MAPK10: variants seen among roughly 807,000 people sequenced by gnomAD.
MAPK10 encodes the protein mitogen-activated protein kinase 10.
Under a neutral mutation model 59.3 loss-of-function variants are expected in MAPK10, and 25 were observed. The observed-to-expected ratio is 0.42, with a 90% confidence interval of 0.31 to 0.59. The LOEUF (loss-of-function observed/expected upper bound fraction) is 0.59. MAPK10 is among the 20% of genes least tolerant of loss of function. MAPK10 has a pLI of 0.15. For missense variants in MAPK10, 351 were observed against 568.9 expected, an observed-to-expected ratio of 0.62 and a Z score of 3.90; for synonymous variants, 190 against 200.5, an observed-to-expected ratio of 0.95 and a Z score of 0.44.
At chr4:86,574,740 A>G (rs1578155637) in intron 1 of MAPK10, among the ~76,000 whole-genome samples, 1 of 152,148 alleles carries the variant, frequency 6.6e-6, no homozygotes, top group East Asian at 1.9e-4. Context: ...CTCACTTATT[A>G]ATTTTAGTAG....
At chr4:86,314,957 C>A (rs929582830) in intron 2 of MAPK10, among the ~76,000 whole-genome samples, 4 of 151,958 alleles carry the variant, frequency 2.6e-5, no homozygotes, top group African/African-American at 9.7e-5. Context: ...TTTAACCTAT[C>A]CCTTATTAAT....
Position 86,014,300 on chromosome 4 carries a change from T to TGGGG in MAPK10, c.*2924_*2927dup, listed in dbSNP as rs199953316. The TGGGG allele has an allele frequency of 7.7e-5, 9 of 116,438 alleles. No homozygotes were observed. The highest frequency in any genetic ancestry group is 1.4e-4 in the Non-Finnish European group (8 of 56,014). 7.2% of individuals were successfully genotyped at this position (116,438 alleles called of 1,614,324 possible). A position where few individuals can be genotyped will look rare whatever the true frequency, so the allele number is the denominator to read the frequency against. On this transcript the variant is annotated 3_prime_UTR_variant, in exon 14 of 14. Transcript: ENST00000641462. ...AACAGGTGACTATTTAAGAAATATT[T>TGGGG]GGGGTGTGTGTGTGTGTGTGTGTGT...
At chr4:86,438,645 G>C (rs190123500) in intron 1 of MAPK10, among the ~76,000 whole-genome samples, 1 of 150,250 alleles carries the variant, frequency 6.7e-6, no homozygotes, top group African/African-American at 2.5e-5. Flanking sequence ...AGCTGAGATC[G>C]TGTCTTTGCA....
intron 11 of MAPK10, among the ~76,000 whole-genome samples, chr4:86,040,131 A>T (rs2148937213): frequency 6.6e-6 from 1 of 152,328 alleles, no homozygotes; most frequent in East Asian, 1.9e-4. Context: ...GACATAAACC[A>T]CCAAAAAAAT....
intron 2 of MAPK10, among the ~76,000 whole-genome samples, chr4:86,257,215 T>G (rs1291792253): frequency 6.6e-6 from 1 of 152,210 alleles, no homozygotes; most frequent in East Asian, 1.9e-4. Flanking sequence ...AATATTAACT[T>G]ATTTTATTGT....
In MAPK10 at chr4:86,497,581, G is replaced by T. The variant is rs373853628; in HGVS notation, c.-263+96329C>A. Among the ~76,000 whole-genome samples the T allele has an allele frequency of 7.9e-5, 12 of 152,292 alleles. No individual in the cohort carries two copies. The East Asian group carries it at 2.3e-3, about 29-fold the overall frequency. On this transcript the variant is annotated intron_variant, in intron 1 of 4. Transcript: ENST00000502302. ...ATCACAGACATCTTTCCCAGCTGGTGGGGGCAGTGGCAAGTCTAAGCCATA... is the reference window on the plus strand; with the variant it reads ...ATCACAGACATCTTTCCCAGCTGGTTGGGGCAGTGGCAAGTCTAAGCCATA...
chr4:86,338,890 C>T (rs1244106976), intron 2 of MAPK10, among the ~76,000 whole-genome samples: 1 of 151,932 alleles, frequency 6.6e-6, no homozygotes, highest in Non-Finnish European at 1.5e-5. Context: ...GACAAAATTC[C>T]CTACCTGACA....
At chr4:86,255,078 G>A (rs1162219457) in intron 2 of MAPK10, among the ~76,000 whole-genome samples, 2 of 148,270 alleles carry the variant, frequency 1.3e-5, no homozygotes, top group African/African-American at 5.1e-5. Flanking sequence ...AAGATATTCT[G>A]ATTTAATAAA....
At chr4:86,584,305 G>A (rs1384187550) in intron 1 of MAPK10, among the ~76,000 whole-genome samples, 3 of 152,144 alleles carry the variant, frequency 2.0e-5, no homozygotes, top group Admixed American at 6.5e-5. Context: ...AGCAGCAGAC[G>A]TGTCAGGAAA....
intron 3 of MAPK10, among the ~76,000 whole-genome samples, chr4:86,172,147 AT>A (rs1386297459): frequency 1.9e-4 from 27 of 138,574 alleles, no homozygotes; most frequent in African/African-American, 8.9e-4. Context: ...TAGTTCAGCC[AT>A]TGTGGAAGTC....
At chr4:86,274,196 A>G (rs2094508345) in intron 2 of MAPK10, among the ~76,000 whole-genome samples, 1 of 152,054 alleles carries the variant, frequency 6.6e-6, no homozygotes, top group South Asian at 2.1e-4. Flanking sequence ...TTTCTGAGTA[A>G]TAAGATATTA....
At chr4:86,173,728 T>C (rs1238616848) in intron 3 of MAPK10, among the ~76,000 whole-genome samples, 1 of 152,068 alleles carries the variant, frequency 6.6e-6, no homozygotes, top group Non-Finnish European at 1.5e-5. Context: ...TTCAATCTAT[T>C]CATCTGACAA....
At chr4:86,175,786 A>G (rs2075554569) in intron 3 of MAPK10, among the ~76,000 whole-genome samples, 1 of 152,196 alleles carries the variant, frequency 6.6e-6, no homozygotes, top group South Asian at 2.1e-4. Flanking sequence ...AAGCAATGCA[A>G]GAACAGACTA....
At chr4:86,328,120 C>A (rs1306325687) in intron 2 of MAPK10, among the ~76,000 whole-genome samples, 47 of 151,922 alleles carry the variant, frequency 3.1e-4, no homozygotes, top group Non-Finnish European at 5.9e-5. Context: ...GAGATTAAAG[C>A]CCTTATAAAA....
chr4:86,339,414 C>T (rs1723550550), intron 2 of MAPK10, among the ~76,000 whole-genome samples: 2 of 152,276 alleles, frequency 1.3e-5, no homozygotes, highest in East Asian at 1.9e-4. Context: ...GTTGCCTTAC[C>T]TTCTTTTCTT....
intron 2 of MAPK10, among the ~76,000 whole-genome samples, chr4:86,204,212 A>G (rs1056699067): frequency 1.3e-5 from 2 of 151,972 alleles, no homozygotes; most frequent in African/African-American, 2.4e-5. Flanking sequence ...GAAGTATACC[A>G]TTAGCCTCGA....
At chr4:86,237,926 A>G (rs899299622) in intron 2 of MAPK10, among the ~76,000 whole-genome samples, 3 of 152,182 alleles carry the variant, frequency 2.0e-5, no homozygotes, top group South Asian at 2.1e-4. Context: ...GCCCATGCCT[A>G]TGTCCTGAAT....
intron 11 of MAPK10, among the ~76,000 whole-genome samples, chr4:86,058,848 G>A (rs909489671): frequency 1.5e-4 from 23 of 152,134 alleles, no homozygotes; most frequent in Non-Finnish European, 2.8e-4. Context: ...TCAAGCTCTG[G>A]AACCTGTTCT....
rs535657786 is a variant in MAPK10, at chr4:86,520,937, G to C, written c.-263+72973C>G. Among the ~76,000 whole-genome samples the C allele has an allele frequency of 4.5e-4, 69 of 152,320 alleles. 1 individual carries two copies. Among genetic ancestry groups the C allele is most frequent in the African/African-American group, 1.6e-3 (66 of 41,564 alleles). On this transcript the variant is annotated intron_variant, in intron 1 of 4. Transcript: ENST00000502302. ...GGATTCCTGGCTCATGCTGGAAAAT[G>C]TCTGCAAAGAGTCATGTGATGTGAT...
Sources: allele counts gnomAD v4.1 joint callset (sites outside exome capture counted in the v4.1 genomes callset), GRCh38; gene constraint gnomAD v4.1.1; transcripts MANE v1.5; gene names NCBI Gene and HGNC (gene_info 2026-07-23, HGNC 2026-07-21).